The following SLC16A7 variants were observed in gnomAD, a reference collection of about 807,000 sequenced individuals.
SLC16A7 encodes solute carrier family 16 member 7.
Under a neutral mutation model 34.9 loss-of-function variants are expected in SLC16A7, and 33 were observed. The observed-to-expected ratio is 0.94, with a 90% confidence interval of 0.72 to 1.26. SLC16A7 has a LOEUF of 1.26. Among genes scored for constraint, SLC16A7 ranks in the 50% most tolerant of loss-of-function variants. The probability of loss-of-function intolerance (pLI) is 0.00; values close to 1 mark genes in which losing one functional copy is unlikely to be tolerated. For missense variants in SLC16A7, 573 were observed against 578.1 expected (o/e 0.99, Z 0.09); for synonymous variants, 201 against 206.6 (o/e 0.97, Z 0.23).
intron 3 of SLC16A7, among the ~76,000 whole-genome samples, chr12:59,725,591 T>G (rs1876134448): frequency 6.6e-6 from 1 of 152,146 alleles, no homozygotes; most frequent in African/African-American, 2.4e-5. Flanking sequence ...CTTTACTGCT[T>G]AATAACACTC....
intron 3 of SLC16A7, among the ~76,000 whole-genome samples, chr12:59,714,778 T>C (rs2137179092): frequency 6.6e-6 from 1 of 152,246 alleles, no homozygotes; most frequent in Middle Eastern, 3.4e-3. Flanking sequence ...TTGGCAAGAC[T>C]GGTCTTGAAC....
chr12:59,745,598 GAAGTATCAGAATCA>G (rs1276203677), intron 3 of SLC16A7, among the ~76,000 whole-genome samples: 16 of 152,174 alleles, frequency 1.1e-4, no homozygotes, highest in South Asian at 2.1e-4. Flanking sequence ...TCAGGAGACA[GAAGTATCAGAATCA>G]AAGTAACATG....
intron 3 of SLC16A7, among the ~76,000 whole-genome samples, chr12:59,737,875 T>C (rs1249296537): frequency 1.3e-5 from 2 of 152,322 alleles, no homozygotes; most frequent in East Asian, 3.9e-4. Flanking sequence ...TGGTTTAGCA[T>C]ATCAGCTTGC....
chr12:59,715,621 AG>A (rs1460926549), intron 3 of SLC16A7, among the ~76,000 whole-genome samples: 1 of 152,204 alleles, frequency 6.6e-6, no homozygotes, highest in Non-Finnish European at 1.5e-5. Context: ...TGGGAAGGTG[AG>A]GGCACACAAT....
intron 3 of SLC16A7, among the ~76,000 whole-genome samples, chr12:59,716,535 T>C (rs1874923747): frequency 6.6e-6 from 1 of 152,158 alleles, no homozygotes; most frequent in South Asian, 2.1e-4. Flanking sequence ...TTCATGTATA[T>C]GACTTACACT....
chr12:59,596,063 C>CG lies in SLC16A7; in HGVS notation c.-302dup, dbSNP rs963808968. On this transcript the variant is annotated 5_prime_UTR_variant, in exon 1 of 6. Transcript: ENST00000547379. The surrounding 1 kb of genome is among the most constrained non-coding windows in gnomAD (Gnocchi z 5.0). Reference sequence around the variant, plus strand: ...CACCCACAAGGGCGTTCAGCAGCCGCGCCTCCCCTTCCCGCCACCGCCTCC... The same window carrying CG: ...CACCCACAAGGGCGTTCAGCAGCCGCGGCCTCCCCTTCCCGCCACCGCCTCC... 5.3e-5 allele frequency: 8 copies of CG among 151,592 alleles called. No homozygotes were observed. Among genetic ancestry groups the CG allele is most frequent in the Non-Finnish European group, 7.4e-5 (5 of 67,984 alleles). The allele number at this position is 151,592 out of a possible 1,614,324, so 9.4% of individuals were successfully genotyped here.
chr12:59,686,013 T>A (rs1871129974), intron 2 of SLC16A7, among the ~76,000 whole-genome samples: 1 of 151,792 alleles, frequency 6.6e-6, no homozygotes, highest in South Asian at 2.1e-4. Context: ...TTTGGGAGCC[T>A]CTAGTATTTA....
At chr12:59,728,784 G>A (rs577859300) in intron 3 of SLC16A7, among the ~76,000 whole-genome samples, 2 of 152,302 alleles carry the variant, frequency 1.3e-5, no homozygotes, top group South Asian at 4.1e-4. Flanking sequence ...GCCATTATGT[G>A]ACACCTATGG....
intron 1 of SLC16A7, among the ~76,000 whole-genome samples, chr12:59,642,849 A>C (rs543651395): frequency 4.1e-4 from 63 of 152,248 alleles, no homozygotes; most frequent in African/African-American, 1.5e-3. Flanking sequence ...AATTGTACAC[A>C]GAGTAAAGAA....
At chr12:59,744,698 G>A (rs1005384448) in intron 3 of SLC16A7, among the ~76,000 whole-genome samples, 8 of 152,280 alleles carry the variant, frequency 5.3e-5, no homozygotes, top group Admixed American at 3.3e-4. Context: ...GTCTGTGGAC[G>A]GCAAAAGCTA....
chr12:59,601,725 A>G (rs947646653), intron 1 of SLC16A7, among the ~76,000 whole-genome samples: 1 of 152,198 alleles, frequency 6.6e-6, no homozygotes, highest in Non-Finnish European at 1.5e-5. Flanking sequence ...GGGTGCTGGC[A>G]TGGTCCAGGT....
chr12:59,667,837 C>T (rs908372250), intron 2 of SLC16A7, among the ~76,000 whole-genome samples: 5 of 152,164 alleles, frequency 3.3e-5, no homozygotes, highest in Admixed American at 6.5e-5. Context: ...AATGGTTTCC[C>T]GGACGGGGTC....
chr12:59,658,743 T>C (rs767838868), intron 2 of SLC16A7, among the ~76,000 whole-genome samples: 1 of 152,022 alleles, frequency 6.6e-6, no homozygotes, highest in African/African-American at 2.4e-5. Context: ...ATATAAATGC[T>C]AACAATCAAA....
At position 59,784,496 on chromosome 12, in the gene SLC16A7, T is replaced by A. The variant is rs1044468067; in HGVS notation, c.*4817T>A. The A allele has an allele frequency of 6.6e-6, 1 of 152,248 alleles. No homozygotes were observed. Among genetic ancestry groups the A allele is most frequent in the African/African-American group, 2.4e-5 (1 of 41,468 alleles). 9.4% of individuals were successfully genotyped at this position (152,248 alleles called of 1,614,324 possible). ...ATTATAAGATACAAATGATTTGGTT[T>A]ACCCATACAGTTACATATTAATTTT... On this transcript the variant is annotated 3_prime_UTR_variant, in exon 6 of 6. Coordinates refer to ENST00000547379, the MANE Select transcript of SLC16A7 (RefSeq NM_001270623.2).
chr12:59,597,053 T>C (rs1191266666), intron 1 of SLC16A7: 1 of 152,278 alleles, frequency 6.6e-6, no homozygotes, highest in Non-Finnish European at 1.5e-5. Context: ...AACTGCCTGT[T>C]TTCTCAGCGG....
At chr12:59,690,765 T>G (rs1779051252) in intron 2 of SLC16A7, among the ~76,000 whole-genome samples, 1 of 152,010 alleles carries the variant, frequency 6.6e-6, no homozygotes, top group Non-Finnish European at 1.5e-5. Flanking sequence ...CTCCTGTGTC[T>G]GCTGGTTCTC....
At chr12:59,732,628 C>A (rs1418477424) in intron 3 of SLC16A7, among the ~76,000 whole-genome samples, 1 of 152,170 alleles carries the variant, frequency 6.6e-6, no homozygotes, top group Non-Finnish European at 1.5e-5. Context: ...AAACTCCTTT[C>A]TTCCTGTATT....
intron 1 of SLC16A7, among the ~76,000 whole-genome samples, chr12:59,638,961 C>A (rs987453665): frequency 1.3e-5 from 2 of 152,112 alleles, no homozygotes; most frequent in African/African-American, 2.4e-5. Flanking sequence ...CATACATGAG[C>A]AAACTGTATA....
intron 1 of SLC16A7, among the ~76,000 whole-genome samples, chr12:59,603,738 A>G (rs1318292684): frequency 6.6e-6 from 1 of 152,186 alleles, no homozygotes; most frequent in Admixed American, 6.5e-5. Flanking sequence ...ATGTATTCAT[A>G]TTTATGTCAT....
Sources: allele counts gnomAD v4.1 joint callset (sites outside exome capture counted in the v4.1 genomes callset), GRCh38; gene constraint gnomAD v4.1.1; non-coding constraint Gnocchi (gnomAD v3.1); transcripts MANE v1.5; gene names NCBI Gene and HGNC (gene_info 2026-07-23, HGNC 2026-07-21).